The following KIAA0825 variants were observed in gnomAD, a reference collection of about 807,000 sequenced individuals.
KIAA0825 encodes uncharacterized protein KIAA0825.
In KIAA0825, 119 loss-of-function variants were observed where a neutral mutation model predicts 147.6. The observed-to-expected ratio is 0.81, with a 90% CI of 0.69 to 0.94. The LOEUF is 0.94. KIAA0825 is among the 40% of genes least tolerant of loss of function. KIAA0825 has a pLI of 0.00. For missense variants in KIAA0825, 1,381 were observed against 1,472.7 expected (o/e 0.94, Z 1.02); for synonymous variants, 470 against 518.1 (o/e 0.91, Z 1.26).
intron 20 of KIAA0825, among the ~76,000 whole-genome samples, chr5:94,165,994 ATAAC>A (rs1272949440): frequency 6.6e-6 from 1 of 152,214 alleles, no homozygotes; most frequent in Non-Finnish European, 1.5e-5. Context: ...ACATTTTAAA[ATAAC>A]TAAGAGTGTA....
chr5:94,188,595 G>A (rs373861024), intron 20 of KIAA0825, among the ~76,000 whole-genome samples: 1 of 151,916 alleles, frequency 6.6e-6, no homozygotes, highest in Non-Finnish European at 1.5e-5. Flanking sequence ...ACATTTTTGA[G>A]TTATTCATAT....
intron 12 of KIAA0825, among the ~76,000 whole-genome samples, chr5:94,456,334 C>G (rs1759107107): frequency 6.6e-6 from 1 of 152,202 alleles, no homozygotes; most frequent in Non-Finnish European, 1.5e-5. Flanking sequence ...ATAGATTGCT[C>G]TACCTCTGAA....
intron 20 of KIAA0825, among the ~76,000 whole-genome samples, chr5:94,223,088 C>T (rs1392906630): frequency 6.6e-6 from 1 of 152,210 alleles, no homozygotes; most frequent in African/African-American, 2.4e-5. Flanking sequence ...GGACCTACAT[C>T]TCCACATTGC....
At chr5:94,333,193 GAC>G (rs1436169728) in intron 20 of KIAA0825, among the ~76,000 whole-genome samples, 1 of 152,088 alleles carries the variant, frequency 6.6e-6, no homozygotes, top group Non-Finnish European at 1.5e-5. Context: ...TCTCCCTGAT[GAC>G]AGTTTCTTTT....
At chr5:94,399,811 G>C (rs1751147655) in intron 16 of KIAA0825, among the ~76,000 whole-genome samples, 1 of 151,916 alleles carries the variant, frequency 6.6e-6, no homozygotes, top group Non-Finnish European at 1.5e-5. Context: ...ATTTGTGGTT[G>C]ATAAAACATG....
chr5:94,586,689 TTA>T (rs1233959489), intron 1 of KIAA0825, among the ~76,000 whole-genome samples: 1 of 152,196 alleles, frequency 6.6e-6, no homozygotes, highest in African/African-American at 2.4e-5. Context: ...CTAATTCATT[TTA>T]TGAGGTCAGC....
chr5:94,615,060 C>T (rs562002085), intron 1 of KIAA0825, among the ~76,000 whole-genome samples: 248 of 147,500 alleles, frequency 1.7e-3, no homozygotes, highest in African/African-American at 5.7e-3. Flanking sequence ...AGTGTCATAG[C>T]TGGTAAAAAA....
chr5:94,547,701 C>T (rs1774697960), intron 2 of KIAA0825, among the ~76,000 whole-genome samples: 1 of 143,870 alleles, frequency 7.0e-6, no homozygotes, highest in Admixed American at 7.3e-5. Flanking sequence ...TGAGCCAGTG[C>T]ACTCCAGCCT....
intron 20 of KIAA0825, among the ~76,000 whole-genome samples, chr5:94,260,067 T>C (rs1467676665): frequency 6.6e-6 from 1 of 152,082 alleles, no homozygotes; most frequent in African/African-American, 2.4e-5. Context: ...TATACTATAA[T>C]ATGGTTACAA....
At chr5:94,360,529 C>A (rs1398595660) in intron 20 of KIAA0825, among the ~76,000 whole-genome samples, 1 of 152,128 alleles carries the variant, frequency 6.6e-6, no homozygotes, top group Admixed American at 6.5e-5. Flanking sequence ...AGTAAAGAAG[C>A]CTGCCAAAAC....
chr5:94,177,216 C>T (rs1277332203), intron 20 of KIAA0825, among the ~76,000 whole-genome samples: 1 of 151,856 alleles, frequency 6.6e-6, no homozygotes, highest in Non-Finnish European at 1.5e-5. Flanking sequence ...AAAATGTTAA[C>T]CTAATTATAA....
At chr5:94,436,895 A>G (rs1270242445) in intron 14 of KIAA0825, among the ~76,000 whole-genome samples, 1 of 152,126 alleles carries the variant, frequency 6.6e-6, no homozygotes, top group Non-Finnish European at 1.5e-5. Context: ...TGTGAATGGA[A>G]GTCCATTCTT....
intron 5 of KIAA0825, among the ~76,000 whole-genome samples, chr5:94,507,250 C>A (rs1765851083): frequency 6.6e-6 from 1 of 152,138 alleles, no homozygotes; most frequent in Non-Finnish European, 1.5e-5. Flanking sequence ...GAGACCGAGA[C>A]CATCTTGGTC....
chr5:94,372,106 G>A (rs928904681), intron 20 of KIAA0825, among the ~76,000 whole-genome samples: 1 of 152,212 alleles, frequency 6.6e-6, no homozygotes, highest in Non-Finnish European at 1.5e-5. Flanking sequence ...TCATGCTGAT[G>A]CAAGAGGTGG....
intron 20 of KIAA0825, among the ~76,000 whole-genome samples, chr5:94,322,188 T>A (rs1780255372): frequency 6.6e-6 from 1 of 151,956 alleles, no homozygotes; most frequent in Admixed American, 6.6e-5. Flanking sequence ...ACTTTAAAAC[T>A]CTTTTTAGCA....
intron 20 of KIAA0825, among the ~76,000 whole-genome samples, chr5:94,185,456 T>C (rs1419437556): frequency 6.6e-6 from 1 of 152,214 alleles, no homozygotes; most frequent in Non-Finnish European, 1.5e-5. Context: ...ATTAAATATT[T>C]GTATTCATCC....
At chr5:94,497,105 C>G (rs1003506414) in intron 5 of KIAA0825, among the ~76,000 whole-genome samples, 3 of 152,132 alleles carry the variant, frequency 2.0e-5, no homozygotes, top group African/African-American at 7.2e-5. Context: ...TGTTTCCAAT[C>G]TTAATTAAAA....
chr5:94,321,183 C>A (rs1375178408), intron 20 of KIAA0825, among the ~76,000 whole-genome samples: 5 of 151,942 alleles, frequency 3.3e-5, no homozygotes, highest in Admixed American at 6.6e-5. Flanking sequence ...GTAAGGAGTT[C>A]ATTTATTTTA....
intron 7 of KIAA0825, among the ~76,000 whole-genome samples, 200 bp from the exon 8 acceptor site, chr5:94,473,719 A>G (rs959583364): frequency 6.6e-5 from 10 of 152,376 alleles, no homozygotes; most frequent in African/African-American, 2.4e-4. Context: ...CTTTACACAC[A>G]GTAATATACT....
Sources: gnomAD v4.1 joint callset for allele counts (sites outside exome capture counted in the v4.1 genomes callset) on GRCh38, gnomAD v4.1.1 for gene constraint, MANE v1.5 for transcripts, NCBI Gene and HGNC (gene_info 2026-07-23, HGNC 2026-07-21) for gene names.